TP63: variants seen among roughly 807,000 people sequenced by gnomAD.
The protein encoded by TP63 is tumor protein p63.
TP63 carries 17 observed loss-of-function variants against 82.8 expected under a neutral mutation model. The ratio of observed to expected loss-of-function variants is 0.21; its 90% CI spans 0.14 to 0.31. The LOEUF is 0.31. Ranked by LOEUF, TP63 falls within the 10% of genes least tolerant of loss-of-function variation. The pLI is 1.00. For missense variants in TP63, 648 were observed against 895.3 expected, an observed-to-expected ratio of 0.72 and a Z score of 3.52; for synonymous variants, 330 against 321.7, an observed-to-expected ratio of 1.03 and a Z score of -0.28.
At chr3:189,833,332 T>G (rs377421770) in intron 4 of TP63, among the ~76,000 whole-genome samples, 43 of 152,340 alleles carry the variant, frequency 2.8e-4, no homozygotes, top group African/African-American at 1.0e-3. Flanking sequence ...ATTTGTAGTG[T>G]AAAAGAACAT....
upstream of TP63, among the ~76,000 whole-genome samples, chr3:189,629,340 C>T (rs534052083): frequency 3.7e-4 from 57 of 152,126 alleles, no homozygotes; most frequent in African/African-American, 1.3e-3. Context: ...TCCATGAACG[C>T]GCTGCTACAC....
chr3:189,737,802 A>C lies in TP63; in HGVS notation c.125A>C (p.Gln42Pro). 1 of 1,614,030 alleles carries C rather than the reference A, an allele frequency of 6.2e-7. No homozygotes were observed. Among genetic ancestry groups the C allele is most frequent in the South Asian group, 1.1e-5 (1 of 91,084 alleles). ...AGTTATTACCGATCCACCATGTCCC[A>C]GAGCACACAGACAAATGAATTCCTC... is the stretch of plus-strand genomic sequence containing the variant. ...KESYYRSTMS[Q>P]STQTNEFLSP... The change falls in exon 2 of 14, where the codon CAG becomes CCG. Residue 42 changes from glutamine (Q) to proline (P), a missense_variant. Physicochemically the swap from Gln to Pro is moderately conservative, Grantham distance 76. Coordinates refer to ENST00000264731, the MANE Select transcript of TP63 (RefSeq NM_003722.5).
rs1714912029 is a variant in TP63 at position 189,846,628 on chromosome 3, G to A, written c.580-17604G>A. Among the ~76,000 whole-genome samples, 3 of 115,634 alleles carry A rather than the reference G, an allele frequency of 2.6e-5. No homozygotes were observed. The South Asian group carries it at 8.4e-4, about 32-fold the overall frequency. The allele number at this position is 115,634 out of a possible 152,430, so 75.9% of individuals were successfully genotyped here. A position where few individuals can be genotyped will look rare whatever the true frequency, so the allele number is the denominator to read the frequency against. ...GCCAGTAGGGTGTGTGTGTGTGTGT[G>A]TGTGTGTGTGTGTGTGTCATCAGAA... On this transcript the variant is annotated intron_variant, in intron 4 of 13. Coordinates refer to ENST00000264731, the MANE Select transcript of TP63 (RefSeq NM_003722.5).
At chr3:189,892,545 C>A (rs534728414) in intron 13 of TP63, among the ~76,000 whole-genome samples, 2 of 152,346 alleles carry the variant, frequency 1.3e-5, no homozygotes, top group South Asian at 4.1e-4. Context: ...GTAATCCCAG[C>A]ACTTTGGGAG....
chr3:189,793,451 A>G (rs1237266868), intron 3 of TP63, among the ~76,000 whole-genome samples: 1 of 152,076 alleles, frequency 6.6e-6, no homozygotes, highest in African/African-American at 2.4e-5. Context: ...ACATTCCTCA[A>G]TGACTATGGA....
Position 189,897,137 on chromosome 3 carries a change from CA to C in TP63, c.*2636del, listed in dbSNP as rs5855278. The C allele has an allele frequency of 0.034, 7,666 of 222,854 alleles. 165 individuals carry two copies. Among genetic ancestry groups the C allele is most frequent in the Middle Eastern group, 0.047 (34 of 716 alleles). 13.8% of individuals were successfully genotyped at this position (222,854 alleles called of 1,614,324 possible). A position where few individuals can be genotyped will look rare whatever the true frequency, so the allele number is the denominator to read the frequency against. On this transcript the variant is annotated 3_prime_UTR_variant, in exon 14 of 14. Coordinates refer to ENST00000264731, the MANE Select transcript of TP63 (RefSeq NM_003722.5). ...TTCAAAAGGTATTATACATGTGATA[CA>C]TTTTTTAAGCTTCAGTTGCTTGTCT...
the TP63 span, among the ~76,000 whole-genome samples, chr3:189,612,262 GT>G: frequency 1.3e-5 from 1 of 77,126 alleles, no homozygotes; most frequent in South Asian, 4.0e-4. Flanking sequence ...ATTCCCACAT[GT>G]TGTGGGAAGC....
At chr3:189,628,076 A>G (rs73063891), upstream of TP63, among the ~76,000 whole-genome samples, 1,129 of 152,228 alleles carry the variant, frequency 7.4e-3, 15 homozygotes, top group African/African-American at 0.025. Context: ...GCTGTTCACA[A>G]TCCAGTACAG....
At chr3:189,625,461 A>G in the TP63 span, among the ~76,000 whole-genome samples, 43 of 152,160 alleles carry the variant, frequency 2.8e-4, no homozygotes, top group East Asian at 5.8e-4. Flanking sequence ...ACTAAAAAAA[A>G]AAGGACAACT....
chr3:189,746,192 A>G (rs977583312), intron 3 of TP63, among the ~76,000 whole-genome samples: 1 of 152,058 alleles, frequency 6.6e-6, no homozygotes, highest in African/African-American at 2.4e-5. Flanking sequence ...ACTTATAAAG[A>G]GACCCCCATC....
At chr3:189,820,340 A>G (rs1478888587) in intron 4 of TP63, among the ~76,000 whole-genome samples, 2 of 152,212 alleles carry the variant, frequency 1.3e-5, no homozygotes, top group Non-Finnish European at 2.9e-5. Context: ...AAGTTTCCAC[A>G]ATGCATTCAT....
chr3:189,789,282 C>A (rs1724882402), intron 3 of TP63, among the ~76,000 whole-genome samples: 1 of 152,004 alleles, frequency 6.6e-6, no homozygotes, highest in South Asian at 2.1e-4. Context: ...AAGAAGCCTT[C>A]TAAAAGTTTT....
intron 1 of TP63, among the ~76,000 whole-genome samples, chr3:189,731,200 C>T (rs755064188): frequency 5.5e-4 from 84 of 152,132 alleles, no homozygotes; most frequent in Non-Finnish European, 8.2e-4. Context: ...AAAAATTAGC[C>T]GAGCACAGTG....
intron 3 of TP63, among the ~76,000 whole-genome samples, chr3:189,748,823 T>C (rs79021066): frequency 0.048 from 7,352 of 152,098 alleles, 347 homozygotes; most frequent in East Asian, 0.24. Context: ...ATGATATTGG[T>C]ATAAAAACAG....
rs545273909 is a variant in TP63, at chr3:189,868,806, A to T, written c.1129+90A>T. 8.7e-6 allele frequency: 14 copies of T among 1,603,570 alleles called. No individual in the cohort carries two copies. The African/African-American group carries it at 1.5e-4, about 17-fold the overall frequency. On this transcript the variant is annotated intron_variant, in intron 8 of 13. Coordinates refer to ENST00000264731, the MANE Select transcript of TP63 (RefSeq NM_003722.5). ...GATATTGGAGAAGCTGCATGATAAGACCTGTGACCTTCAGCAGCAAGTGGG... is the reference window on the plus strand; with the variant it reads ...GATATTGGAGAAGCTGCATGATAAGTCCTGTGACCTTCAGCAGCAAGTGGG...
chr3:189,610,356 A>G, the TP63 span, among the ~76,000 whole-genome samples: 1 of 152,120 alleles, frequency 6.6e-6, no homozygotes, highest in Non-Finnish European at 1.5e-5. Context: ...AACACAAGTC[A>G]CCTCTTGAAT....
chr3:189,790,399 A>G (rs992942628), intron 3 of TP63, among the ~76,000 whole-genome samples: 6 of 152,078 alleles, frequency 3.9e-5, no homozygotes, highest in South Asian at 4.1e-4. Flanking sequence ...CTGGAGGGTG[A>G]CTTGTACTTT....
At chr3:189,806,241 G>A (rs1726890493) in intron 3 of TP63, among the ~76,000 whole-genome samples, 1 of 151,868 alleles carries the variant, frequency 6.6e-6, no homozygotes, top group African/African-American at 2.4e-5. Context: ...TTAGTTAGCT[G>A]GGGTTCCTTC....
In TP63 at chr3:189,866,780, C is replaced by A; in HGVS notation, c.865C>A (p.Pro289Thr). The A allele has an allele frequency of 6.2e-7, 1 of 1,614,006 alleles. No individual in the cohort carries two copies. Among genetic ancestry groups the A allele is most frequent in the Non-Finnish European group, 8.5e-7 (1 of 1,179,968 alleles). The stretch of plus-strand genomic sequence containing the variant: ...CACAGGAAGACAGAGTGTGCTGGTA[C>A]CTTATGAGCCACCCCAGGTAAAAAG... ...PITGRQSVLVPYEPPQVGTEF... is the reference protein window; with the variant it reads ...PITGRQSVLVTYEPPQVGTEF... The change falls in exon 6 of 14, where the codon CCT becomes ACT. Residue 289 changes from proline (P) to threonine (T), a missense_variant. Coordinates refer to ENST00000264731, the MANE Select transcript of TP63 (RefSeq NM_003722.5).
Sources: allele counts gnomAD v4.1 joint callset (sites outside exome capture counted in the v4.1 genomes callset), GRCh38; gene constraint gnomAD v4.1.1; transcripts MANE v1.5; gene names NCBI Gene and HGNC (gene_info 2026-07-23, HGNC 2026-07-21).